FPGS: variants seen among roughly 807,000 people sequenced by gnomAD.
The protein encoded by FPGS is folylpolyglutamate synthase, also known as folylpolyglutamate synthase, mitochondrial.
Under a neutral mutation model 66.5 loss-of-function variants are expected in FPGS, and 53 were observed. The ratio of observed to expected loss-of-function variants is 0.80; its 90% CI spans 0.64 to 1.00. The LOEUF is 1.00. Ranked by LOEUF, FPGS falls within the 50% of genes least tolerant of loss-of-function variation. The pLI is 0.00. For missense variants in FPGS, 702 were observed against 807.7 expected, an observed-to-expected ratio of 0.87 and a Z score of 1.59; for synonymous variants, 348 against 350.9, an observed-to-expected ratio of 0.99 and a Z score of 0.09.
At position 127,813,553 on chromosome 9, in the gene FPGS, G is replaced by A; in HGVS notation, c.1713G>A (p.Leu571=). The change falls in exon 15 of 15, where the codon CTG becomes CTA. Residue 571 remains leucine, a synonymous_variant. Coordinates refer to ENST00000373247, the MANE Select transcript of FPGS (RefSeq NM_004957.6). ...TCCATGTGCTAGTCACTGGCAGCCT[G>A]CACCTGGTGGGTGGTGTCCTGAAGC... ...AAIHVLVTGS[L]HLVGGVLKLL... 6.3e-7 allele frequency: 1 copy of A among 1,593,616 alleles called. No individual in the cohort carries two copies. The highest frequency in any genetic ancestry group is 2.2e-5 in the East Asian group (1 of 44,670).
chr9:127,809,615 AGT>A (rs1326236338), intron 11 of FPGS, 67 bp from the exon 12 acceptor site: 19 of 1,440,676 alleles, frequency 1.3e-5, no homozygotes, highest in Non-Finnish European at 1.6e-5. Flanking sequence ...CGGGCTCAGG[AGT>A]GTGTGTGCGG....
At chr9:127,803,155 G>A in intron 1 of FPGS, 93 bp downstream of exon 1, 1 of 1,269,466 alleles carries the variant, frequency 7.9e-7, no homozygotes, top group African/African-American at 1.6e-5. Context: ...CTAGCCGAGA[G>A]GGTATCGGGA....
At chr9:127,814,140 C>G, downstream of FPGS, 1 of 986,190 alleles carries the variant, frequency 1.0e-6, no homozygotes, top group Non-Finnish European at 1.2e-6. Context: ...TGGTCAGGGA[C>G]CTGCACTGTG....
chr9:127,812,305 A>T (rs918880121), intron 14 of FPGS, among the ~76,000 whole-genome samples: 4 of 149,156 alleles, frequency 2.7e-5, no homozygotes, highest in African/African-American at 7.4e-5. Flanking sequence ...CTGGTTGGGG[A>T]GAGTTCTGGA....
intron 8 of FPGS, 105 bp from the exon 9 acceptor site, chr9:127,808,129 G>A (rs1829894913): frequency 2.5e-6 from 2 of 805,006 alleles, no homozygotes; most frequent in Admixed American, 2.1e-5. Context: ...AAAGAAACAT[G>A]AGGGATGAGA....
Position 127,809,726 on chromosome 9 carries a change from G to T in FPGS, c.1103G>T (p.Arg368Leu), listed in dbSNP as rs1186491225. The change falls in exon 12 of 15, where the codon CGG (arginine) becomes CTG (leucine). Residue 368 changes from arginine to leucine, a missense_variant. Physicochemically the swap from Arg to Leu is moderately radical, Grantham distance 102. Around this residue, in one of 3 missense-constraint regions of FPGS, gnomAD observed 351 missense variants for 363.7 expected, o/e 0.97. Coordinates refer to ENST00000373247, the MANE Select transcript of FPGS (RefSeq NM_004957.6). ...TGGCCGGGCCGGACGCAGGTGCTGC[G>T]GCGCGGGCCCCTCACCTGGTACCTG... ...TEWPGRTQVL[R>L]RGPLTWYLDG... 1 of 1,588,084 alleles carries T rather than the reference G, an allele frequency of 6.3e-7. No homozygotes were observed. The highest frequency in any genetic ancestry group is 8.5e-7 in the Non-Finnish European group (1 of 1,175,482).
chr9:127,809,860 C>A, intron 12 of FPGS, 26 bp downstream of exon 12: 1 of 1,250,432 alleles, frequency 8.0e-7, no homozygotes, highest in Non-Finnish European at 1.1e-6. Flanking sequence ...GGGGGTGGGG[C>A]CGGGGCTGGC....
At position 127,813,253 on chromosome 9, in the gene FPGS, G is replaced by A. The variant is rs757421465; in HGVS notation, c.1413G>A (p.Gln471=). The change falls in exon 15 of 15, where the codon CAG becomes CAA. Residue 471 remains glutamine, a synonymous_variant. Coordinates refer to ENST00000373247, the MANE Select transcript of FPGS (RefSeq NM_004957.6). ...DQVLLRCLEH[Q]QHWNHLDEEQ... is the part of the protein sequence containing the mutation. ...TCCTGCTCCGCTGCCTGGAACACCA[G>A]CAGCACTGGAACCACCTGGACGAAG... 6.2e-7 allele frequency: 1 copy of A among 1,611,560 alleles called. No homozygotes were observed. The highest frequency in any genetic ancestry group is 8.5e-7 in the Non-Finnish European group (1 of 1,178,942).
In FPGS at chr9:127,808,310, CAGTA is replaced by C; in HGVS notation, c.822+3_822+6del. 1 of 1,613,524 alleles carries C rather than the reference CAGTA, an allele frequency of 6.2e-7. No homozygotes were observed. Among genetic ancestry groups the C allele is most frequent in the Non-Finnish European group, 8.5e-7 (1 of 1,179,472 alleles). On this transcript the variant is annotated splice_donor_variant and splice_donor_region_variant and coding_sequence_variant and intron_variant, in exon 9 of 15. Transcript: ENST00000373247. LOFTEE classifies it high-confidence loss of function. ...CTGAGGGACCGAGCCCAGCAGATCT[CAGTA>C]AGTCTGATTGGAATGGGGCAGCGGC...
In FPGS at chr9:127,807,665, T is replaced by G; in HGVS notation, c.721T>G (p.Trp241Gly). 1 of 1,593,032 alleles carries G rather than the reference T, an allele frequency of 6.3e-7. No individual in the cohort carries two copies. The highest frequency in any genetic ancestry group is 8.5e-7 in the Non-Finnish European group (1 of 1,174,200). ...LLGDTVEKIAWQKGGIFKQGV... is the reference protein window; with the variant it reads ...LLGDTVEKIAGQKGGIFKQGV... ...GGGGGATACGGTGGAGAAGATCGCA[T>G]GGCAGAAAGGGGGCATCTTTAAGGT... The change falls in exon 8 of 15, where the codon TGG (tryptophan) becomes GGG (glycine). Residue 241 changes from tryptophan (W) to glycine (G), a missense_variant. Trp to Gly is a radical substitution (Grantham distance 184, BLOSUM62 -2). Around this residue, in one of 3 missense-constraint regions of FPGS, gnomAD observed 240 missense variants for 348.6 expected, o/e 0.69. Transcript: ENST00000373247. The surrounding 1 kb of genome is among the most constrained non-coding windows in gnomAD (Gnocchi z 5.8).
Position 127,806,978 on chromosome 9 carries a change from C to G in FPGS, c.392C>G (p.Pro131Arg). The stretch of plus-strand genomic sequence containing the variant: ...GACCCCAGCTGTCCCGGCAGCTCTC[C>G]CCACCTGGTGCAGGTTCGGGAGCGG... Reference protein sequence around the residue: ...YGLKTGFFSSPHLVQVRERIR... With the variant: ...YGLKTGFFSSRHLVQVRERIR... Residue 131 changes from proline to arginine, a missense_variant, in exon 5 of 15, where the codon CCC becomes CGC. By Grantham distance (103) the Pro-to-Arg change is moderately radical. This residue lies in a region of FPGS where 240 missense variants were observed against 348.6 expected (regional missense o/e 0.69). Coordinates refer to ENST00000373247, the MANE Select transcript of FPGS (RefSeq NM_004957.6). 1 of 1,613,754 alleles carries G rather than the reference C, an allele frequency of 6.2e-7. No homozygotes were observed. Among genetic ancestry groups the G allele is most frequent in the Non-Finnish European group, 8.5e-7 (1 of 1,179,772 alleles).
rs777136853 is a variant in FPGS at position 127,807,130 on chromosome 9, T to C, written c.501+43T>C. ...GCTGGCGGGTGGGTATGGTTGGGGG[T>C]GCTACGTGTTCCAGCACCCCATCTC... On this transcript the variant is annotated intron_variant, in intron 5 of 14. Coordinates refer to ENST00000373247, the MANE Select transcript of FPGS (RefSeq NM_004957.6). The surrounding 1 kb of genome is among the most constrained non-coding windows in gnomAD (Gnocchi z 5.8). The C allele has an allele frequency of 3.7e-6, 6 of 1,608,472 alleles. No individual in the cohort carries two copies. In the East Asian group the frequency reaches 1.1e-4, roughly 30 times the overall value.
chr9:127,811,204 C>A (rs970026016), intron 14 of FPGS, among the ~76,000 whole-genome samples, 193 bp downstream of exon 14: 1 of 151,962 alleles, frequency 6.6e-6, no homozygotes, highest in African/African-American at 2.4e-5. Context: ...TTTGGCTGGC[C>A]ACGGTGGCTC....
In FPGS at chr9:127,804,634, A is replaced by G; in HGVS notation, c.322-2A>G. The G allele has an allele frequency of 6.2e-7, 1 of 1,614,078 alleles. No homozygotes were observed. On this transcript the variant is annotated splice_acceptor_variant, in intron 3 of 14. Coordinates refer to ENST00000373247, the MANE Select transcript of FPGS (RefSeq NM_004957.6). LOFTEE classifies it high-confidence loss of function. ...TGCCCAGACAATCCCTTTTCTTTCAAGGGCTCCACCTGTGCCTTCACGGAA... is the reference window on the plus strand; with the variant it reads ...TGCCCAGACAATCCCTTTTCTTTCAGGGGCTCCACCTGTGCCTTCACGGAA...
chr9:127,804,877 A>C, intron 4 of FPGS, 177 bp downstream of exon 4: 2 of 610,812 alleles, frequency 3.3e-6, no homozygotes, highest in South Asian at 2.0e-5. Context: ...GCCCATGTTT[A>C]TGGCAACCTT....
rs1329083263 is a variant in FPGS at position 127,807,651 on chromosome 9, TGGA to T, written c.709_711del (p.Glu237del). ...CACACCAGCCTCCTGGGGGATACGG[TGGA>T]GAAGATCGCATGGCAGAAAGGGGGC... is the stretch of plus-strand genomic sequence containing the variant. On this transcript the variant is annotated inframe_deletion, in exon 8 of 15. Coordinates refer to ENST00000373247, the MANE Select transcript of FPGS (RefSeq NM_004957.6). This position sits in a 1 kb window ranked among gnomAD's most constrained non-coding sequence, Gnocchi z 5.8. The T allele has an allele frequency of 6.3e-7, 1 of 1,596,730 alleles. No individual in the cohort carries two copies. The highest frequency in any genetic ancestry group is 8.5e-7 in the Non-Finnish European group (1 of 1,175,448).
In FPGS at chr9:127,802,900, G is replaced by T; in HGVS notation, c.-25G>T. On this transcript the variant is annotated 5_prime_UTR_variant, in exon 1 of 15. Coordinates refer to ENST00000373247, the MANE Select transcript of FPGS (RefSeq NM_004957.6). ...GCGGGGCGTCTCCCGCCCGGGCCTA[G>T]AGCGCTGCCGGGGGCGCCGGGACTA... 1 of 1,347,132 alleles carries T rather than the reference G, an allele frequency of 7.4e-7. No individual in the cohort carries two copies. The highest frequency in any genetic ancestry group is 9.5e-7 in the Non-Finnish European group (1 of 1,055,494). 83.4% of individuals were successfully genotyped at this position (1,347,132 alleles called of 1,614,324 possible).
chr9:127,807,795 C>A lies in FPGS; in HGVS notation c.744+107C>A. On this transcript the variant is annotated intron_variant, in intron 8 of 14. Coordinates refer to ENST00000373247, the MANE Select transcript of FPGS (RefSeq NM_004957.6). The surrounding 1 kb of genome is among the most constrained non-coding windows in gnomAD (Gnocchi z 5.8). ...GAACAAGTTGAGTCTCCTCTCCAGA[C>A]TATTTCCCCATTGAAACGTGAGGGA... 2.8e-6 allele frequency: 2 copies of A among 707,768 alleles called. No homozygotes were observed. The highest frequency in any genetic ancestry group is 2.7e-5 in the East Asian group (1 of 36,846). The allele number at this position is 707,768 out of a possible 1,614,324, so 43.8% of individuals were successfully genotyped here.
At chr9:127,803,090 G>A (rs138322374) in intron 1 of FPGS, 28 bp downstream of exon 1, 60,806 of 1,365,968 alleles carry the variant, frequency 0.045, 1,552 homozygotes, top group Middle Eastern at 0.051. Flanking sequence ...GGGCCAGCGG[G>A]CCTGGGCGCG....
Sources: allele counts gnomAD v4.1 joint callset (sites outside exome capture counted in the v4.1 genomes callset), GRCh38; gene constraint gnomAD v4.1.1; regional missense constraint gnomAD v4.1.1; non-coding constraint Gnocchi (gnomAD v3.1); transcripts MANE v1.5; gene names NCBI Gene and HGNC (gene_info 2026-07-23, HGNC 2026-07-21).